Variants in CHD1 observed in about 807,000 individuals in gnomAD.
The protein encoded by CHD1 is chromodomain helicase DNA binding protein 1, also known as ATP-dependent chromatin remodeler CHD1.
A neutral mutation model predicts 224.2 loss-of-function variants in CHD1; 36 were observed. That is an observed-to-expected ratio of 0.16 (90% CI 0.12 to 0.21). CHD1 has a LOEUF of 0.21. Among genes scored for constraint, CHD1 ranks in the 10% least tolerant of loss-of-function variants. The pLI is 1.00. For missense variants in CHD1, 1,378 were observed against 1,994.8 expected (o/e 0.69, Z 5.89); for synonymous variants, 668 against 658.3 (o/e 1.01, Z -0.23).
In CHD1 at chr5:98,883,355, CCAAT is replaced by C. The variant is rs938977222; in HGVS notation, c.2569-122_2569-119del. 7 of 526,262 alleles carry C rather than the reference CCAAT, an allele frequency of 1.3e-5. No homozygotes were observed. In the African/African-American group the frequency reaches 1.4e-4, roughly 10 times the overall value. 32.6% of individuals were successfully genotyped at this position (526,262 alleles called of 1,614,324 possible). A position where few individuals can be genotyped will look rare whatever the true frequency, so the allele number is the denominator to read the frequency against. On this transcript the variant is annotated intron_variant, in intron 18 of 35. Coordinates refer to ENST00000614616, the MANE Select transcript of CHD1 (RefSeq NM_001270.4). The stretch of plus-strand genomic sequence containing the variant: ...TAAAACTAATAAACATCTAGCAAGA[CCAAT>C]CAACAAAAAGACTCCAAAATCAAAT...
At chr5:98,885,860 A>C (rs1046911719) in intron 17 of CHD1, 14 of 500,072 alleles carry the variant, frequency 2.8e-5, no homozygotes, top group Non-Finnish European at 4.6e-5. Context: ...GAGTAAATAC[A>C]GCATAGGCTG....
intron 4 of CHD1, 95 bp from the exon 5 acceptor site, chr5:98,903,059 C>A (rs1751824735): frequency 1.6e-6 from 1 of 610,260 alleles, no homozygotes; most frequent in South Asian, 2.4e-5. Flanking sequence ...ATTCACTTTA[C>A]AAATAACAGC....
chr5:98,872,616 C>T (rs1355750437), intron 26 of CHD1, 61 bp from the exon 27 acceptor site: 2 of 1,330,858 alleles, frequency 1.5e-6, no homozygotes, highest in Non-Finnish European at 2.1e-6. Flanking sequence ...CTACAAAACA[C>T]CAAGCAACTG....
At position 98,883,199 on chromosome 5, in the gene CHD1, T is replaced by C. The variant is rs551267894; in HGVS notation, c.2607A>G (p.Leu869=). 34 of 1,599,960 alleles carry C rather than the reference T, an allele frequency of 2.1e-5. No homozygotes were observed. In the South Asian group the frequency reaches 3.3e-4, roughly 16 times the overall value. The stretch of plus-strand genomic sequence containing the variant: ...TGTCAGCAGAGGCTAAATTAATCCC[T>C]AGACCTCCAGCTCTTGTGGACAGCA... ...CFLLSTRAGG[L]GINLASADTV... The change falls in exon 19 of 36, where the codon CTA becomes CTG. Residue 869 remains leucine, a synonymous_variant. Coordinates refer to ENST00000614616, the MANE Select transcript of CHD1 (RefSeq NM_001270.4).
chr5:98,854,777 TTAACAG>T lies in CHD1; in HGVS notation c.*1597_*1602del, dbSNP rs1747899284. 1 of 152,176 alleles carries T rather than the reference TTAACAG, an allele frequency of 6.6e-6. No individual in the cohort carries two copies. Among genetic ancestry groups the T allele is most frequent in the Non-Finnish European group, 1.5e-5 (1 of 68,010 alleles). 9.4% of individuals were successfully genotyped at this position (152,176 alleles called of 1,614,324 possible). A position where few individuals can be genotyped will look rare whatever the true frequency, so the allele number is the denominator to read the frequency against. Reference sequence around the variant, plus strand: ...ATCTGTAGGTTGCTCCCACAGCTAATTAACAGTGACACACATAGCAATACTATAGAA... The same window carrying T: ...ATCTGTAGGTTGCTCCCACAGCTAATTGACACACATAGCAATACTATAGAA... On this transcript the variant is annotated 3_prime_UTR_variant, in exon 36 of 36. Coordinates refer to ENST00000614616, the MANE Select transcript of CHD1 (RefSeq NM_001270.4).
intron 30 of CHD1, chr5:98,868,904 G>T: frequency 1.9e-6 from 1 of 526,216 alleles, no homozygotes; most frequent in Non-Finnish European, 2.6e-6. Flanking sequence ...ACATGCTTCT[G>T]AAGAACTCAG....
At chr5:98,893,318 T>C (rs1751139976) in intron 14 of CHD1, 98 bp downstream of exon 14, 1 of 723,116 alleles carries the variant, frequency 1.4e-6, no homozygotes, top group Non-Finnish European at 2.2e-6. Context: ...ATCTAATCTT[T>C]TAGGGCAATA....
chr5:98,878,030 A>C (rs1241416128), intron 23 of CHD1, among the ~76,000 whole-genome samples: 1 of 152,226 alleles, frequency 6.6e-6, no homozygotes, highest in Non-Finnish European at 1.5e-5. Flanking sequence ...ATTTGTGAAG[A>C]ACACAGGTGA....
intron 9 of CHD1, 31 bp from the exon 10 acceptor site, chr5:98,898,465 TTTA>T: frequency 6.8e-7 from 1 of 1,467,884 alleles, no homozygotes; most frequent in Non-Finnish European, 9.0e-7. Context: ...TACTTATTTA[TTTA>T]TTTTTTTTTA....
At chr5:98,915,014 AAACATT>A (rs1752648250) in intron 2 of CHD1, among the ~76,000 whole-genome samples, 1 of 152,218 alleles carries the variant, frequency 6.6e-6, no homozygotes, top group Admixed American at 6.5e-5. Flanking sequence ...ACTGAATGCT[AAACATT>A]AACAACAACA....
intron 2 of CHD1, among the ~76,000 whole-genome samples, chr5:98,912,731 G>A (rs1318669761): frequency 2.6e-5 from 4 of 151,996 alleles, no homozygotes; most frequent in South Asian, 2.1e-4. Context: ...AAGTCACCTC[G>A]GCAAGTGCTA....
intron 11 of CHD1, 60 bp downstream of exon 11, chr5:98,897,133 A>C (rs1751395806): frequency 6.7e-7 from 1 of 1,499,714 alleles, no homozygotes; most frequent in South Asian, 1.2e-5. Context: ...TCTTTTCTGA[A>C]TCCTGTATTG....
chr5:98,889,188 C>T lies in CHD1; in HGVS notation c.2231G>A (p.Ser744Asn). 6.2e-7 allele frequency: 1 copy of T among 1,610,640 alleles called. No individual in the cohort carries two copies. Among genetic ancestry groups the T allele is most frequent in the Non-Finnish European group, 8.5e-7 (1 of 1,177,806 alleles). Residue 744 changes from serine (S) to asparagine (N), a missense_variant, in exon 16 of 36, where the codon AGT becomes AAT. Ser to Asn is a conservative substitution (Grantham distance 46, BLOSUM62 1). This residue lies in a region of CHD1 where 58 missense variants were observed against 90.0 expected (regional missense o/e 0.64). Coordinates refer to ENST00000614616, the MANE Select transcript of CHD1 (RefSeq NM_001270.4). ...YKALSKGSKG[S>N]TSGFLNIMME... ...CATAATGTTCAAAAAGCCTGAGGTACTGCCCTTGGAACCTTTGCTGAGGGC... is the reference window on the plus strand; with the variant it reads ...CATAATGTTCAAAAAGCCTGAGGTATTGCCCTTGGAACCTTTGCTGAGGGC...
At chr5:98,908,464 G>A (rs1056670026) in intron 2 of CHD1, among the ~76,000 whole-genome samples, 4 of 152,044 alleles carry the variant, frequency 2.6e-5, no homozygotes, top group Admixed American at 1.3e-4. Context: ...TTCCTTGAGC[G>A]CTGGGATTGC....
intron 22 of CHD1, among the ~76,000 whole-genome samples, chr5:98,880,771 G>A (rs1750117180): frequency 1.3e-5 from 2 of 152,164 alleles, no homozygotes; most frequent in Non-Finnish European, 2.9e-5. Flanking sequence ...GGAAATCTAA[G>A]TAAGAGATCA....
intron 31 of CHD1, among the ~76,000 whole-genome samples, chr5:98,868,204 C>G (rs1749045340): frequency 6.6e-6 from 1 of 151,666 alleles, no homozygotes; most frequent in Non-Finnish European, 1.5e-5. Context: ...GCACATGCCT[C>G]TAGTCCCAGC....
intron 20 of CHD1, 126 bp from the exon 21 acceptor site, chr5:98,881,501 G>GT: frequency 3.9e-6 from 2 of 513,490 alleles, no homozygotes; most frequent in Non-Finnish European, 6.8e-6. Context: ...GACAAATCAA[G>GT]TATTAGAATC....
At chr5:98,881,953 T>G in intron 20 of CHD1, 22 bp downstream of exon 20, 1 of 1,603,414 alleles carries the variant, frequency 6.2e-7, no homozygotes, top group Non-Finnish European at 8.5e-7. Flanking sequence ...AAATGACATT[T>G]TTTTAATAAT....
intron 13 of CHD1, 70 bp from the exon 14 acceptor site, chr5:98,893,676 G>A: frequency 1.1e-6 from 1 of 894,074 alleles, no homozygotes; most frequent in South Asian, 1.7e-5. Context: ...CATTTAATCT[G>A]AACTCAATTA....
Sources: gnomAD v4.1 joint callset for allele counts (sites outside exome capture counted in the v4.1 genomes callset) on GRCh38, gnomAD v4.1.1 for gene constraint, gnomAD v4.1.1 regional missense constraint, MANE v1.5 for transcripts, NCBI Gene and HGNC (gene_info 2026-07-23, HGNC 2026-07-21) for gene names.